Variants in CTNNA3 observed in about 807,000 individuals in gnomAD.
CTNNA3 encodes catenin alpha 3, also known as catenin alpha-3.
CTNNA3 carries 76 observed loss-of-function variants against 95.7 expected under a neutral mutation model. The observed-to-expected ratio is 0.79, with a 90% CI of 0.66 to 0.96. The LOEUF is 0.96. Ranked by LOEUF, CTNNA3 falls within the 40% of genes least tolerant of loss-of-function variation. The pLI is 0.00. For missense variants in CTNNA3, 1,191 were observed against 1,089.8 expected (o/e 1.09, Z -1.31); for synonymous variants, 431 against 374.4 (o/e 1.15, Z -1.74).
chr10:66,931,192 TAA>T lies in CTNNA3; in HGVS notation c.1048-155670_1048-155669del, dbSNP rs3056552. Among the ~76,000 whole-genome samples, 494 of 118,666 alleles carry T rather than the reference TAA, an allele frequency of 4.2e-3. 4 individuals are homozygous for T. Among genetic ancestry groups the T allele is most frequent in the African/African-American group, 0.013 (411 of 31,160 alleles). The allele number at this position is 118,666 out of a possible 152,430, so 77.8% of individuals were successfully genotyped here. A position where few individuals can be genotyped will look rare whatever the true frequency, so the allele number is the denominator to read the frequency against. On this transcript the variant is annotated intron_variant, in intron 7 of 17. Coordinates refer to ENST00000433211, the MANE Select transcript of CTNNA3 (RefSeq NM_013266.4). Reference sequence around the variant, plus strand: ...GACTTCCCTCAAAGGTGACAACAGTTAAAAAAAAAAAAAAAAAAAGCCTGACC... The same window carrying T: ...GACTTCCCTCAAAGGTGACAACAGTTAAAAAAAAAAAAAAAAAGCCTGACC...
chr10:67,136,770 C>A (rs1371564689), intron 7 of CTNNA3, among the ~76,000 whole-genome samples: 3 of 152,152 alleles, frequency 2.0e-5, no homozygotes, highest in African/African-American at 4.8e-5. Flanking sequence ...CACAAGAAAT[C>A]TTGCCAGGGT....
chr10:67,171,726 G>A (rs1862030763), intron 7 of CTNNA3, among the ~76,000 whole-genome samples: 2 of 152,038 alleles, frequency 1.3e-5, no homozygotes, highest in Non-Finnish European at 2.9e-5. Context: ...CCCTCTAGCA[G>A]CCTGGGTAAG....
At chr10:66,312,432 G>C (rs2092033371) in intron 12 of CTNNA3, among the ~76,000 whole-genome samples, 1 of 152,070 alleles carries the variant, frequency 6.6e-6, no homozygotes, top group South Asian at 2.1e-4. Context: ...GTTTTTGTGT[G>C]TGTATGTGTG....
At chr10:66,222,125 T>C (rs2088964791) in intron 13 of CTNNA3, among the ~76,000 whole-genome samples, 1 of 152,174 alleles carries the variant, frequency 6.6e-6, no homozygotes, top group African/African-American at 2.4e-5. Flanking sequence ...AAAGATTTGG[T>C]AGAAAATAGC....
At chr10:67,026,050 T>C (rs1012373421) in intron 7 of CTNNA3, among the ~76,000 whole-genome samples, 22 of 148,548 alleles carry the variant, frequency 1.5e-4, no homozygotes, top group Admixed American at 3.4e-4. Context: ...TAGATGGGAA[T>C]TGAACAATGA....
At chr10:66,797,344 A>G (rs543367202) in intron 7 of CTNNA3, among the ~76,000 whole-genome samples, 18 of 150,588 alleles carry the variant, frequency 1.2e-4, no homozygotes, top group Non-Finnish European at 2.2e-4. Context: ...GCAATCCTAC[A>G]TTTCCACCAC....
chr10:65,959,895 G>T (rs1292562178), intron 17 of CTNNA3, among the ~76,000 whole-genome samples: 1 of 152,160 alleles, frequency 6.6e-6, no homozygotes, highest in East Asian at 1.9e-4. Flanking sequence ...AGCTGCATCA[G>T]GTTCCAAGAT....
intron 16 of CTNNA3, among the ~76,000 whole-genome samples, chr10:65,971,606 C>T (rs1722301751): frequency 6.6e-6 from 1 of 151,666 alleles, no homozygotes; most frequent in South Asian, 2.1e-4. Context: ...CACAATCCTC[C>T]AAGAATGAAT....
rs112730487 is a variant in CTNNA3, at chr10:66,106,150, C to A, written c.1885-2901G>T. Among the ~76,000 whole-genome samples the A allele has an allele frequency of 3.4e-3, 503 of 149,696 alleles. 3 individuals carry two copies. The highest frequency in any genetic ancestry group is 0.012 in the African/African-American group (484 of 40,570). On this transcript the variant is annotated intron_variant, in intron 13 of 17. Transcript: ENST00000433211. ...TGAATCCAGGCGGCGGAGGTTGCAG[C>A]GAGCCGAGATCGCGCCATTGCACTC...
At chr10:66,728,713 G>A (rs1480449407) in intron 9 of CTNNA3, among the ~76,000 whole-genome samples, 2 of 151,972 alleles carry the variant, frequency 1.3e-5, no homozygotes, top group South Asian at 2.1e-4. Context: ...TCTGGCTCTC[G>A]AATAGCTGGA....
At chr10:67,084,549 G>A (rs1185880909) in intron 7 of CTNNA3, among the ~76,000 whole-genome samples, 1 of 151,776 alleles carries the variant, frequency 6.6e-6, no homozygotes, top group Non-Finnish European at 1.5e-5. Context: ...TCACCCTTTA[G>A]ATTAGAAAAT....
chr10:67,251,379 A>G (rs1411516772), intron 5 of CTNNA3, among the ~76,000 whole-genome samples: 4 of 152,124 alleles, frequency 2.6e-5, no homozygotes, highest in African/African-American at 4.8e-5. Context: ...AGGTAAGGAA[A>G]ATGCTCTAAA....
rs1841221354 is a variant in CTNNA3 at position 67,726,437 on chromosome 10, A to ATAATATTATATAT, written c.-2+36996_-2+36997insATATATAATATTA. On this transcript the variant is annotated intron_variant, in intron 1 of 17. Coordinates refer to the CTNNA3 transcript ENST00000684154. Reference sequence around the variant, plus strand: ...TATAATATTATATATTATATCATATATAATATATAATATTATATATGATAT... The same window carrying ATAATATTATATAT: ...TATAATATTATATATTATATCATATATAATATTATATATTAATATATAATATTATATATGATAT... 1.1e-4 allele frequency among the ~76,000 whole-genome samples: 8 copies of ATAATATTATATAT among 72,590 alleles called. No homozygotes were observed. The South Asian group carries it at 3.8e-3, about 35-fold the overall frequency. 47.6% of individuals were successfully genotyped at this position (72,590 alleles called of 152,430 possible). A position where few individuals can be genotyped will look rare whatever the true frequency, so the allele number is the denominator to read the frequency against.
At chr10:66,890,357 A>G (rs1366869605) in intron 7 of CTNNA3, among the ~76,000 whole-genome samples, 2 of 151,836 alleles carry the variant, frequency 1.3e-5, no homozygotes, top group African/African-American at 4.8e-5. Context: ...GCTCTGAGGC[A>G]TTCAAAGATT....
At chr10:67,671,603 T>C (rs1274420967) in intron 1 of CTNNA3, among the ~76,000 whole-genome samples, 4 of 151,054 alleles carry the variant, frequency 2.6e-5, no homozygotes, top group African/African-American at 4.9e-5. Context: ...AGTGAGAACA[T>C]GCGGTGTTTG....
intron 13 of CTNNA3, among the ~76,000 whole-genome samples, chr10:66,139,958 G>A (rs1003561401): frequency 3.3e-5 from 5 of 152,216 alleles, no homozygotes; most frequent in Non-Finnish European, 7.3e-5. Flanking sequence ...GGCAATGGGG[G>A]CTTTTGTGGT....
chr10:66,609,497 A>G (rs1393966928), intron 10 of CTNNA3, among the ~76,000 whole-genome samples: 1 of 151,572 alleles, frequency 6.6e-6, no homozygotes, highest in Non-Finnish European at 1.5e-5. Context: ...AAAAATATGC[A>G]AAACGCTCAA....
At chr10:66,499,806 C>CTTTTTTTTTT (rs34040723) in intron 11 of CTNNA3, among the ~76,000 whole-genome samples, 30 of 140,658 alleles carry the variant, frequency 2.1e-4, no homozygotes, top group African/African-American at 7.9e-4. Context: ...GTTGCATTTC[C>CTTTTTTTTTT]TTTTTTTTTT....
chr10:66,428,996 T>A (rs1349947986), intron 11 of CTNNA3, among the ~76,000 whole-genome samples: 1 of 151,792 alleles, frequency 6.6e-6, no homozygotes, highest in African/African-American at 2.4e-5. Context: ...AAAAAATTGA[T>A]AGACCGCTAG....
Sources: allele counts gnomAD v4.1 joint callset (sites outside exome capture counted in the v4.1 genomes callset), GRCh38; gene constraint gnomAD v4.1.1; transcripts MANE v1.5; gene names NCBI Gene and HGNC (gene_info 2026-07-23, HGNC 2026-07-21).